Variants in DPP10 observed in about 807,000 individuals in gnomAD.
DPP10 encodes the protein inactive dipeptidyl peptidase 10.
A neutral mutation model predicts 120.9 loss-of-function variants in DPP10; 33 were observed. That is an observed-to-expected ratio of 0.27 (90% CI 0.21 to 0.37). The LOEUF (loss-of-function observed/expected upper bound fraction) is 0.37, where lower values mean the gene tolerates loss of function less well. Among genes scored for constraint, DPP10 ranks in the 10% least tolerant of loss-of-function variants. The pLI, the probability that DPP10 is intolerant of heterozygous loss-of-function variation, is 1.00. For synonymous variants in DPP10, 337 were observed against 326.1 expected (o/e 1.03, Z -0.36); for missense variants, 816 against 942.8 (o/e 0.87, Z 1.76).
intron 1 of DPP10, among the ~76,000 whole-genome samples, chr2:114,546,360 G>A (rs1049185294): frequency 6.6e-6 from 1 of 152,122 alleles, no homozygotes; most frequent in African/African-American, 2.4e-5. Context: ...GATCTCATGA[G>A]AACTCACTCA....
At chr2:115,820,549 T>C (rs1252378970) in intron 21 of DPP10, among the ~76,000 whole-genome samples, 4 of 152,118 alleles carry the variant, frequency 2.6e-5, no homozygotes, top group South Asian at 2.1e-4. Context: ...AAGTGTATTG[T>C]ACCCAGTGTG....
chr2:115,473,741 AAATT>A (rs1327600253), intron 3 of DPP10, among the ~76,000 whole-genome samples: 2 of 152,320 alleles, frequency 1.3e-5, no homozygotes, highest in South Asian at 2.1e-4. Flanking sequence ...TTATCAATCT[AAATT>A]AATTATTTAA....
chr2:115,502,278 T>G (rs1302710514), intron 4 of DPP10, among the ~76,000 whole-genome samples: 1 of 152,108 alleles, frequency 6.6e-6, no homozygotes, highest in Non-Finnish European at 1.5e-5. Flanking sequence ...TAAAAAATAC[T>G]TTTTTAAAAA....
At chr2:114,635,782 A>G (rs2105399926) in intron 1 of DPP10, among the ~76,000 whole-genome samples, 1 of 152,124 alleles carries the variant, frequency 6.6e-6, no homozygotes, top group East Asian at 1.9e-4. Flanking sequence ...AATTAAAATG[A>G]AGACATTTTA....
At chr2:114,947,746 T>G (rs1697474549) in intron 1 of DPP10, among the ~76,000 whole-genome samples, 1 of 152,082 alleles carries the variant, frequency 6.6e-6, no homozygotes, top group South Asian at 2.1e-4. Context: ...CATACTTATG[T>G]TTTTAAATAA....
chr2:114,465,316 T>TC (rs1337372225), intron 1 of DPP10, among the ~76,000 whole-genome samples: 1 of 152,190 alleles, frequency 6.6e-6, no homozygotes. Context: ...TACTTGCTTT[T>TC]CCCCCTTGTG....
intron 19 of DPP10, 177 bp from the exon 20 acceptor site, chr2:115,814,616 A>T (rs1687018788): frequency 2.3e-6 from 1 of 440,862 alleles, no homozygotes; most frequent in African/African-American, 2.0e-5. Flanking sequence ...ACAAAGGAAA[A>T]TACAATTTTA....
intron 5 of DPP10, among the ~76,000 whole-genome samples, chr2:115,535,433 C>T (rs886569698): frequency 1.1e-4 from 16 of 151,972 alleles, no homozygotes; most frequent in East Asian, 3.9e-4. Context: ...AGATATGTGG[C>T]GTTATTTCTG....
rs186898033 is a variant in DPP10 at position 115,267,165 on chromosome 2, T to G, written c.61-42074T>G. Among the ~76,000 whole-genome samples, 476 of 152,292 alleles carry G rather than the reference T, an allele frequency of 3.1e-3. 3 individuals are homozygous for G. Among genetic ancestry groups the G allele is most frequent in the African/African-American group, 0.011 (458 of 41,562 alleles). ...GTAATATTTGGAGGAATTGTTCTTG[T>G]GTCTTCTAGATTATCATTTTAGAAG... On this transcript the variant is annotated intron_variant, in intron 1 of 25. Transcript: ENST00000410059.
At chr2:115,382,717 A>G (rs2066499545) in intron 3 of DPP10, among the ~76,000 whole-genome samples, 1 of 152,228 alleles carries the variant, frequency 6.6e-6, no homozygotes, top group Admixed American at 6.5e-5. Flanking sequence ...GATGTATAAA[A>G]AAAGAGCTGG....
chr2:114,494,476 G>A (rs1425508014), intron 1 of DPP10, among the ~76,000 whole-genome samples: 2 of 152,176 alleles, frequency 1.3e-5, no homozygotes, highest in Non-Finnish European at 2.9e-5. Flanking sequence ...TGAAAAGGAA[G>A]AAGCAAGCAT....
intron 1 of DPP10, among the ~76,000 whole-genome samples, chr2:115,211,826 C>CGT (rs1415561212): frequency 6.6e-6 from 1 of 151,910 alleles, no homozygotes; most frequent in Non-Finnish European, 1.5e-5. Context: ...GAGATGTGTG[C>CGT]GTGTGTGTGT....
chr2:115,471,778 T>TTTG (rs57533300), intron 3 of DPP10, among the ~76,000 whole-genome samples: 91,912 of 149,498 alleles, frequency 0.61, 28,375 homozygotes, highest in African/African-American at 0.66. Context: ...TCTGTTTTTG[T>TTTG]TTGTTGTTGT....
intron 1 of DPP10, among the ~76,000 whole-genome samples, chr2:115,123,870 C>G (rs1369113814): frequency 6.6e-6 from 1 of 151,784 alleles, no homozygotes; most frequent in East Asian, 1.9e-4. Context: ...AGATAGTCAG[C>G]AAATATTAGC....
chr2:115,267,513 A>C (rs1347523037), intron 1 of DPP10, among the ~76,000 whole-genome samples: 2 of 152,124 alleles, frequency 1.3e-5, no homozygotes, highest in Non-Finnish European at 2.9e-5. Flanking sequence ...AAGTTCTTGA[A>C]AATAAGAACA....
intron 24 of DPP10, 117 bp downstream of exon 24, chr2:115,836,863 C>T: frequency 1.2e-6 from 1 of 850,496 alleles, no homozygotes; most frequent in Middle Eastern, 3.7e-4. Flanking sequence ...AGCAGAGAGT[C>T]ACACAAAGAA....
intron 1 of DPP10, among the ~76,000 whole-genome samples, chr2:114,491,825 C>T (rs1220362842): frequency 6.6e-6 from 1 of 152,144 alleles, no homozygotes; most frequent in East Asian, 1.9e-4. Context: ...CATTCTTAGA[C>T]AAGGTATTCA....
At chr2:114,664,742 A>C (rs1158012124) in intron 1 of DPP10, among the ~76,000 whole-genome samples, 1 of 152,288 alleles carries the variant, frequency 6.6e-6, no homozygotes, top group Admixed American at 6.5e-5. Context: ...AGCATCCAAA[A>C]GATGGCATAG....
intron 1 of DPP10, among the ~76,000 whole-genome samples, chr2:114,594,527 A>G (rs1475296991): frequency 1.4e-5 from 2 of 147,974 alleles, no homozygotes; most frequent in Non-Finnish European, 3.0e-5. Context: ...ATATATGTGT[A>G]AAAGGAAGTA....
Sources: allele counts gnomAD v4.1 joint callset (sites outside exome capture counted in the v4.1 genomes callset), GRCh38; gene constraint gnomAD v4.1.1; transcripts MANE v1.5; gene names NCBI Gene and HGNC (gene_info 2026-07-23, HGNC 2026-07-21).